CEP128: variants seen among roughly 807,000 people sequenced by gnomAD.
The protein encoded by CEP128 is centrosomal protein 128.
CEP128 carries 132 observed loss-of-function variants against 156.7 expected under a neutral mutation model. That is an observed-to-expected ratio of 0.84 (90% CI 0.73 to 0.97). CEP128 has a LOEUF of 0.97. CEP128 is among the 50% of genes least tolerant of loss of function. CEP128 has a pLI of 0.00. For synonymous variants in CEP128, 469 were observed against 448.9 expected (o/e 1.04, Z -0.57); for missense variants, 1,252 against 1,281.9 (o/e 0.98, Z 0.36).
intron 16 of CEP128, among the ~76,000 whole-genome samples, chr14:80,776,076 C>T (rs1172688679): frequency 2.0e-5 from 3 of 152,120 alleles, no homozygotes; most frequent in African/African-American, 4.8e-5. Flanking sequence ...TCAGGTGATC[C>T]GCCCACCTCA....
At chr14:80,597,986 A>G (rs1215180567) in intron 19 of CEP128, among the ~76,000 whole-genome samples, 1 of 149,138 alleles carries the variant, frequency 6.7e-6, no homozygotes, top group East Asian at 2.0e-4. Flanking sequence ...CCCTATGGCT[A>G]GCATTATGCT....
chr14:80,772,321 G>A (rs1900553481), intron 16 of CEP128, among the ~76,000 whole-genome samples: 1 of 152,134 alleles, frequency 6.6e-6, no homozygotes. Context: ...ACAAAAGAGA[G>A]GAGCATCTGA....
At chr14:80,591,746 A>G (rs2140487745) in intron 19 of CEP128, among the ~76,000 whole-genome samples, 1 of 152,324 alleles carries the variant, frequency 6.6e-6, no homozygotes, top group East Asian at 1.9e-4. Context: ...AACTGACCAC[A>G]TAATTGGAAG....
Position 80,777,959 on chromosome 14 carries a change from C to G in CEP128, c.2299G>C (p.Glu767Gln). The change falls in exon 16 of 25, where the codon GAA becomes CAA. Residue 767 changes from glutamate (E) to glutamine (Q), a missense_variant. Transcript: ENST00000555265. Reference protein sequence around the residue: ...LKSQCDRLTEELTQNENENKK... With the variant: ...LKSQCDRLTEQLTQNENENKK... ...TTCTCATTTTCATTCTGGGTTAATTCCTCTGTCAGTCTGTCACACTGTGAT... is the reference window on the plus strand; with the variant it reads ...TTCTCATTTTCATTCTGGGTTAATTGCTCTGTCAGTCTGTCACACTGTGAT... 1.9e-6 allele frequency: 3 copies of G among 1,612,882 alleles called. No homozygotes were observed. The highest frequency in any genetic ancestry group is 2.5e-6 in the Non-Finnish European group (3 of 1,179,318).
At chr14:80,713,653 T>C (rs1367559998) in intron 19 of CEP128, among the ~76,000 whole-genome samples, 2 of 152,208 alleles carry the variant, frequency 1.3e-5, no homozygotes, top group South Asian at 4.1e-4. Flanking sequence ...AAGGTCTTAT[T>C]GTTCTTTAAT....
chr14:80,646,994 A>AATATATATATATATATATATAT (rs372341494), intron 19 of CEP128, among the ~76,000 whole-genome samples: 2 of 76,592 alleles, frequency 2.6e-5, no homozygotes, highest in Non-Finnish European at 3.1e-5. Context: ...ATTTATAAGA[A>AATATATATATATATATATATAT]ATATATATAT....
At chr14:80,667,383 A>G (rs1895660666) in intron 19 of CEP128, among the ~76,000 whole-genome samples, 1 of 152,220 alleles carries the variant, frequency 6.6e-6, no homozygotes, top group Non-Finnish European at 1.5e-5. Flanking sequence ...CAACTATAAA[A>G]AATGATTTAG....
At chr14:80,882,239 A>G (rs940281136) in intron 8 of CEP128, among the ~76,000 whole-genome samples, 1 of 152,158 alleles carries the variant, frequency 6.6e-6, no homozygotes, top group Non-Finnish European at 1.5e-5. Context: ...AAAAAATCTC[A>G]TAATCCAATT....
chr14:80,498,115 C>T (rs892063062), intron 24 of CEP128, among the ~76,000 whole-genome samples: 14 of 152,142 alleles, frequency 9.2e-5, no homozygotes, highest in African/African-American at 3.4e-4. Context: ...CCTTACTCTT[C>T]TCCAACTTGA....
At chr14:80,914,874 A>C (rs1437059310) in intron 3 of CEP128, among the ~76,000 whole-genome samples, 1 of 152,214 alleles carries the variant, frequency 6.6e-6, no homozygotes, top group African/African-American at 2.4e-5. Context: ...AATTTTAATC[A>C]CAAAAGAAAT....
At chr14:80,792,179 T>C (rs1901742052) in intron 14 of CEP128, among the ~76,000 whole-genome samples, 1 of 152,192 alleles carries the variant, frequency 6.6e-6, no homozygotes, top group African/African-American at 2.4e-5. Context: ...ATCAGTGAAA[T>C]GCGTTTTGTT....
At chr14:80,529,249 T>C (rs891340543) in intron 22 of CEP128, among the ~76,000 whole-genome samples, 1 of 152,178 alleles carries the variant, frequency 6.6e-6, no homozygotes, top group South Asian at 2.1e-4. Flanking sequence ...AATTAACTCT[T>C]TCCCTTTTCA....
chr14:80,916,449 AG>A lies in CEP128; in HGVS notation c.98del (p.Pro33LeufsTer3), dbSNP rs1309074538. 2 of 1,614,014 alleles carry A rather than the reference AG, an allele frequency of 1.2e-6. No homozygotes were observed. The highest frequency in any genetic ancestry group is 1.7e-6 in the Non-Finnish European group (2 of 1,179,982). ...TGACCTTCTCGGTAACTTCTACTGT[AG>A]GAAGACTTCGAGTTCCCCTGTGCGT... ...RSTHRGTRSL[P>X]TVEVTEKVNT... On this transcript the variant is annotated frameshift_variant, in exon 3 of 25. Transcript: ENST00000555265. LOFTEE classifies it high-confidence loss of function.
chr14:80,574,944 T>A (rs1891294937), intron 20 of CEP128, among the ~76,000 whole-genome samples: 1 of 152,010 alleles, frequency 6.6e-6, no homozygotes, highest in Admixed American at 6.6e-5. Flanking sequence ...ATAGACAACT[T>A]AAAAATGATT....
intron 14 of CEP128, among the ~76,000 whole-genome samples, chr14:80,480,071 T>A (rs1243406010): frequency 6.6e-6 from 1 of 152,146 alleles, no homozygotes; most frequent in African/African-American, 2.4e-5. Context: ...CATGGGCTGG[T>A]GTTGAGTGTC....
At chr14:80,545,252 G>A (rs1889932162) in intron 21 of CEP128, among the ~76,000 whole-genome samples, 2 of 152,168 alleles carry the variant, frequency 1.3e-5, no homozygotes, top group South Asian at 4.1e-4. Flanking sequence ...TGGAGTAGTT[G>A]GTTATCACAT....
chr14:80,932,888 A>AAATAAT (rs144739406), intron 2 of CEP128, among the ~76,000 whole-genome samples: 1 of 151,654 alleles, frequency 6.6e-6, no homozygotes, highest in African/African-American at 2.4e-5. Flanking sequence ...TATTGAAACC[A>AAATAAT]AATAATAATA....
In CEP128 at chr14:80,777,927, T is replaced by C. The variant is rs778618024; in HGVS notation, c.2331A>G (p.Lys777=). The C allele has an allele frequency of 5.0e-6, 8 of 1,612,290 alleles. No individual in the cohort carries two copies. The highest frequency in any genetic ancestry group is 5.9e-6 in the Non-Finnish European group (7 of 1,178,868). Residue 777 remains lysine (K), a synonymous_variant, in exon 16 of 25, where the codon AAA becomes AAG. Coordinates refer to ENST00000555265, the MANE Select transcript of CEP128 (RefSeq NM_152446.5). ...TCAAACATTGATATTTTAGCTTCAG[T>C]TTTTTGTTCTCATTTTCATTCTGGG... The part of the protein sequence containing the change: ...ELTQNENENK[K]LKLKYQCLKD...
intron 19 of CEP128, 81 bp downstream of exon 19, chr14:80,742,994 A>C: frequency 8.1e-7 from 1 of 1,227,836 alleles, no homozygotes; most frequent in Non-Finnish European, 1.2e-6. Context: ...GGGATGCAAC[A>C]GAAGTAGGTT....
Sources: gnomAD v4.1 joint callset for allele counts (sites outside exome capture counted in the v4.1 genomes callset) on GRCh38, gnomAD v4.1.1 for gene constraint, MANE v1.5 for transcripts, NCBI Gene and HGNC (gene_info 2026-07-23, HGNC 2026-07-21) for gene names.